FAT2: variants seen among roughly 807,000 people sequenced by gnomAD.
The protein encoded by FAT2 is protocadherin Fat 2.
A neutral mutation model predicts 295.3 loss-of-function variants in FAT2; 150 were observed. The ratio of observed to expected loss-of-function variants is 0.51; its 90% CI spans 0.44 to 0.58. The LOEUF (loss-of-function observed/expected upper bound fraction) is 0.58, where lower values mean the gene tolerates loss of function less well. Among genes scored for constraint, FAT2 ranks in the 20% least tolerant of loss-of-function variants. The pLI is 0.00. For missense variants in FAT2, 4,868 were observed against 5,442.7 expected (o/e 0.89, Z 3.32); for synonymous variants, 2,026 against 2,150.3 (o/e 0.94, Z 1.60).
intron 20 of FAT2, among the ~76,000 whole-genome samples, chr5:151,514,667 T>C (rs1752662074): frequency 6.6e-6 from 1 of 152,226 alleles, no homozygotes; most frequent in South Asian, 2.1e-4. Context: ...TCACTACGTC[T>C]CTCTCCTGAG....
At chr5:151,554,251 G>A in intron 5 of FAT2, 111 bp downstream of exon 5, 1 of 975,482 alleles carries the variant, frequency 1.0e-6, no homozygotes, top group Non-Finnish European at 1.5e-6. Flanking sequence ...CCAGGAAGGA[G>A]AGTACCATTT....
chr5:151,568,883 T>G lies in FAT2; in HGVS notation c.49A>C (p.Thr17Pro). 6.2e-7 allele frequency: 1 copy of G among 1,613,736 alleles called. No individual in the cohort carries two copies. The highest frequency in any genetic ancestry group is 1.1e-5 in the South Asian group (1 of 90,986). Residue 17 changes from threonine (T) to proline (P), a missense_variant, in exon 2 of 24, where the codon ACC becomes CCC. Thr to Pro is a conservative substitution (Grantham distance 38). Around this residue, in one of 5 missense-constraint regions of FAT2, gnomAD observed 3,297 missense variants for 3,669.4 expected, o/e 0.90. Coordinates refer to ENST00000261800, the MANE Select transcript of FAT2 (RefSeq NM_001447.3). ...GFAIFLLHCA[T>P]CEKPLEGILS... ...ATCCCTTCTAGAGGCTTCTCACAGGTCGCACAATGGAGCAAGAATATGGCA... is the reference window on the plus strand; with the variant it reads ...ATCCCTTCTAGAGGCTTCTCACAGGGCGCACAATGGAGCAAGAATATGGCA...
intron 1 of FAT2, among the ~76,000 whole-genome samples, chr5:151,569,237 A>G (rs1758428326): frequency 6.6e-6 from 1 of 152,220 alleles, no homozygotes. Flanking sequence ...TAAAGGAATG[A>G]GGTTTAATGG....
At position 151,505,078 on chromosome 5, in the gene FAT2, C is replaced by G; in HGVS notation, c.*487G>C. 2 of 188,012 alleles carry G rather than the reference C, an allele frequency of 1.1e-5. No individual in the cohort carries two copies. The highest frequency in any genetic ancestry group is 2.1e-5 in the Non-Finnish European group (2 of 93,270). 11.6% of individuals were successfully genotyped at this position (188,012 alleles called of 1,614,324 possible). A position where few individuals can be genotyped will look rare whatever the true frequency, so the allele number is the denominator to read the frequency against. The stretch of plus-strand genomic sequence containing the variant: ...CTCCCCTGCTGCTCACCTCTCAGCC[C>G]CTAGGAGGATGCCACGCAGCCCTCT... On this transcript the variant is annotated 3_prime_UTR_variant, in exon 24 of 24. Transcript: ENST00000261800.
At position 151,543,071 on chromosome 5, in the gene FAT2, C is replaced by G. The variant is rs201019105; in HGVS notation, c.8056G>C (p.Val2686Leu). ...PVRLQVVPKKVSLPKFSEPLY... is the reference protein window; with the variant it reads ...PVRLQVVPKKLSLPKFSEPLY... ...GGTTCAGAAAATTTCGGTAAGGATA[C>G]TTTTTTAGGAACCACCTGAAGTCGT... Residue 2686 changes from valine (V) to leucine (L), a missense_variant, in exon 10 of 24, where the codon GTA (valine) becomes CTA (leucine). Transcript: ENST00000261800. The G allele has an allele frequency of 4.3e-6, 7 of 1,614,070 alleles. No homozygotes were observed. In the African/African-American group the frequency reaches 9.3e-5, roughly 22 times the overall value.
chr5:151,591,685 A>G (rs1443770791), upstream of FAT2, among the ~76,000 whole-genome samples: 1 of 152,170 alleles, frequency 6.6e-6, no homozygotes, highest in Admixed American at 6.5e-5. Flanking sequence ...ACTGACAACC[A>G]CAGCACCCCT....
intron 1 of FAT2, among the ~76,000 whole-genome samples, chr5:151,589,213 A>G (rs1056217620): frequency 2.6e-5 from 4 of 152,160 alleles, no homozygotes; most frequent in African/African-American, 7.2e-5. Context: ...CATGTCCCCA[A>G]CCGTACCAAC....
At chr5:151,589,768 G>GT (rs968895033) in intron 1 of FAT2, among the ~76,000 whole-genome samples, 1 of 152,138 alleles carries the variant, frequency 6.6e-6, no homozygotes, top group African/African-American at 2.4e-5. Flanking sequence ...AGGTGTGGTG[G>GT]TGTTTGTCTG....
intron 1 of FAT2, among the ~76,000 whole-genome samples, chr5:151,581,831 C>A (rs1484799687): frequency 1.3e-5 from 2 of 152,176 alleles, no homozygotes; most frequent in African/African-American, 4.8e-5. Flanking sequence ...CATATGATCC[C>A]TCCCCCATAT....
chr5:151,516,477 C>G (rs1346888719), intron 20 of FAT2, among the ~76,000 whole-genome samples: 3 of 152,182 alleles, frequency 2.0e-5, no homozygotes, highest in Non-Finnish European at 4.4e-5. Flanking sequence ...GATCATGCCA[C>G]TGCCCTCCAG....
Position 151,554,582 on chromosome 5 carries a change from A to G in FAT2, c.3725T>C (p.Phe1242Ser), listed in dbSNP as rs778850295. 1 of 1,614,124 alleles carries G rather than the reference A, an allele frequency of 6.2e-7. No individual in the cohort carries two copies. Among genetic ancestry groups the G allele is most frequent in the Non-Finnish European group, 8.5e-7 (1 of 1,180,016 alleles). Residue 1242 changes from phenylalanine to serine, a missense_variant, in exon 5 of 24, where the codon TTC (phenylalanine) becomes TCC (serine). This residue lies in a region of FAT2 where 3,297 missense variants were observed against 3,669.4 expected (regional missense o/e 0.90). Coordinates refer to ENST00000261800, the MANE Select transcript of FAT2 (RefSeq NM_001447.3). ...ILDVNDNPPI[F>S]SHKLFNVRLP... ...GCGGACATTGAAGAGCTTGTGGGAG[A>G]ATATAGGTGGATTGTCATTGACGTC...
chr5:151,512,280 C>G lies in FAT2; in HGVS notation c.11790G>C (p.Lys3930Asn), dbSNP rs769914393. The change falls in exon 21 of 24, where the codon AAG becomes AAC. Residue 3930 changes from lysine to asparagine, a missense_variant. Physicochemically the swap from Lys to Asn is moderately conservative, Grantham distance 94. This residue lies in a region of FAT2 where 1,046 missense variants were observed against 1,210.1 expected (regional missense o/e 0.86). Transcript: ENST00000261800. The surrounding 1 kb of genome is among the most constrained non-coding windows in gnomAD (Gnocchi z 4.1). Reference sequence around the variant, plus strand: ...GTGTCTCCAGCAAGCCTGCCACCGTCTTGCCAGGGGCCAGCAGATCTAGAG... The same window carrying G: ...GTGTCTCCAGCAAGCCTGCCACCGTGTTGCCAGGGGCCAGCAGATCTAGAG... ...EEALDLLAPG[K>N]TVAGLLETQA... 1 of 1,614,248 alleles carries G rather than the reference C, an allele frequency of 6.2e-7. No individual in the cohort carries two copies. Among genetic ancestry groups the G allele is most frequent in the South Asian group, 1.1e-5 (1 of 91,084 alleles).
At chr5:151,573,151 CACACAGGCTCTGGCTGTGTG>C (rs1758602790) in intron 1 of FAT2, among the ~76,000 whole-genome samples, 1 of 152,216 alleles carries the variant, frequency 6.6e-6, no homozygotes, top group Non-Finnish European at 1.5e-5. Context: ...TGGCTAACAA[CACACAGGCTCTGGCTGTGTG>C]ACCTTGGGCA....
In FAT2 at chr5:151,568,749, G is replaced by A. The variant is rs2127650709; in HGVS notation, c.183C>T (p.Tyr61=). ...YVESFEKMGI[Y]LAEPQWAVRY... ...TCACTGCCCACTGTGGCTCCGCGAG[G>A]TAGATGCCCATTTTCTCGAAGCTCT... Residue 61 remains tyrosine (Y), a synonymous_variant, in exon 2 of 24, where the codon TAC becomes TAT. Coordinates refer to ENST00000261800, the MANE Select transcript of FAT2 (RefSeq NM_001447.3). 1 of 1,614,172 alleles carries A rather than the reference G, an allele frequency of 6.2e-7. No homozygotes were observed. The highest frequency in any genetic ancestry group is 8.5e-7 in the Non-Finnish European group (1 of 1,180,040).
Position 151,579,298 on chromosome 5 carries a change from A to G in FAT2, c.-20-10347T>C, listed in dbSNP as rs535320410. On this transcript the variant is annotated intron_variant, in intron 1 of 23. Transcript: ENST00000261800. ...AAAAATAAGCATGTAGGGGCCAGGC[A>G]TGGTGGCTCATGCCTGTAATACCAG... Among the ~76,000 whole-genome samples the G allele has an allele frequency of 9.8e-5, 15 of 152,344 alleles. No individual in the cohort carries two copies. The South Asian group carries it at 3.1e-3, about 32-fold the overall frequency.
rs768412789 is a variant in FAT2, at chr5:151,525,892, G to C, written c.10382C>G (p.Pro3461Arg). 73 of 1,614,070 alleles carry C rather than the reference G, an allele frequency of 4.5e-5. No individual in the cohort carries two copies. Among genetic ancestry groups the C allele is most frequent in the Non-Finnish European group, 5.8e-5 (68 of 1,180,036 alleles). Residue 3461 changes from proline to arginine, a missense_variant, in exon 18 of 24, where the codon CCC becomes CGC. Pro to Arg is a moderately radical substitution (Grantham distance 103). Coordinates refer to ENST00000261800, the MANE Select transcript of FAT2 (RefSeq NM_001447.3). ...CCCCTTGGTGATTCGAAACGAGTAGGGGGGGCCATTCTCTGGAGAATCTGG... is the reference window on the plus strand; with the variant it reads ...CCCCTTGGTGATTCGAAACGAGTAGCGGGGGCCATTCTCTGGAGAATCTGG... The part of the protein sequence containing the change: ...SDPDSPENGP[P>R]YSFRITKGNN...
At position 151,545,764 on chromosome 5, in the gene FAT2, T is replaced by A. The variant is rs1026930467; in HGVS notation, c.5363A>T (p.His1788Leu). 6.2e-7 allele frequency: 1 copy of A among 1,614,110 alleles called. No individual in the cohort carries two copies. Among genetic ancestry groups the A allele is most frequent in the Non-Finnish European group, 8.5e-7 (1 of 1,179,988 alleles). The change falls in exon 10 of 24, where the codon CAT becomes CTT. Residue 1788 changes from histidine to leucine, a missense_variant. Transcript: ENST00000261800. Reference protein sequence around the residue: ...MDKNNNPFVIHASDSDKEANS... With the variant: ...MDKNNNPFVILASDSDKEANS... Reference sequence around the variant, plus strand: ...AGCTTCTTTGTCACTGTCAGAGGCATGAATCACAAAGGGGTTGTTGTTTTT... The same window carrying A: ...AGCTTCTTTGTCACTGTCAGAGGCAAGAATCACAAAGGGGTTGTTGTTTTT...
In FAT2 at chr5:151,568,865, C is replaced by T. The variant is rs758801976; in HGVS notation, c.67G>A (p.Glu23Lys). 7 of 1,613,866 alleles carry T rather than the reference C, an allele frequency of 4.3e-6. No individual in the cohort carries two copies. The highest frequency in any genetic ancestry group is 1.1e-5 in the South Asian group (1 of 91,062). ...CAAGCAGAGGAGGAGAGAATCCCTTCTAGAGGCTTCTCACAGGTCGCACAA... is the reference window on the plus strand; with the variant it reads ...CAAGCAGAGGAGGAGAGAATCCCTTTTAGAGGCTTCTCACAGGTCGCACAA... ...LHCATCEKPL[E>K]GILSSSAWHF... The change falls in exon 2 of 24, where the codon GAA becomes AAA. Residue 23 changes from glutamate to lysine, a missense_variant. Transcript: ENST00000261800.
At chr5:151,507,109 C>A (rs1760947274) in intron 23 of FAT2, 45 bp downstream of exon 23, 1 of 1,494,364 alleles carries the variant, frequency 6.7e-7, no homozygotes, top group African/African-American at 1.4e-5. Flanking sequence ...AACCACCACC[C>A]ACTTCCATCA....
Sources: gnomAD v4.1 joint callset for allele counts (sites outside exome capture counted in the v4.1 genomes callset) on GRCh38, gnomAD v4.1.1 for gene constraint, gnomAD v4.1.1 regional missense constraint, Gnocchi (gnomAD v3.1) non-coding constraint, MANE v1.5 for transcripts, NCBI Gene and HGNC (gene_info 2026-07-23, HGNC 2026-07-21) for gene names.